The following WTIP variants were observed in gnomAD, a reference collection of about 807,000 sequenced individuals.
The protein encoded by WTIP is Wilms tumor protein 1-interacting protein.
WTIP carries 23 observed loss-of-function variants against 41.7 expected under a neutral mutation model. The observed-to-expected ratio is 0.55, with a 90% CI of 0.40 to 0.78. The LOEUF is 0.78. Ranked by LOEUF, WTIP falls within the 30% of genes least tolerant of loss-of-function variation. The pLI is 0.00. For synonymous variants in WTIP, 314 were observed against 269.9 expected (o/e 1.16, Z -1.60); for missense variants, 619 against 610.5 (o/e 1.01, Z -0.15).
Position 34,495,595 on chromosome 19 carries a change from C to T in WTIP, c.1084-108C>T, listed in dbSNP as rs1042917468. 143 of 1,254,638 alleles carry T rather than the reference C, an allele frequency of 1.1e-4. 1 individual carries two copies. The highest frequency in any genetic ancestry group is 1.3e-4 in the Non-Finnish European group (114 of 885,076). 77.7% of individuals were successfully genotyped at this position (1,254,638 alleles called of 1,614,324 possible). Reference sequence around the variant, plus strand: ...GCGTGGCAGTGCTCCCCGGGGCGGGCGTGCACCTCCGCCGGGACAGGAGCG... The same window carrying T: ...GCGTGGCAGTGCTCCCCGGGGCGGGTGTGCACCTCCGCCGGGACAGGAGCG... On this transcript the variant is annotated intron_variant, in intron 6 of 7. Transcript: ENST00000590071.
intron 1 of WTIP, among the ~76,000 whole-genome samples, chr19:34,486,655 C>CAA: frequency 6.6e-6 from 1 of 151,968 alleles, no homozygotes; most frequent in Non-Finnish European, 1.5e-5. Context: ...CGTGAGCCAC[C>CAA]GCGCCTGGCC....
Position 34,481,778 on chromosome 19 carries a change from C to T in WTIP, c.-197C>T. Reference sequence around the variant, plus strand: ...GCTTACATTCCTCCGCCGCGCGCGCCGCCGAGCAGGGCGCCGCGTCCCCCG... The same window carrying T: ...GCTTACATTCCTCCGCCGCGCGCGCTGCCGAGCAGGGCGCCGCGTCCCCCG... On this transcript the variant is annotated 5_prime_UTR_variant, in exon 1 of 8. Transcript: ENST00000590071. 5.8e-6 allele frequency: 1 copy of T among 172,570 alleles called. No homozygotes were observed. Among genetic ancestry groups the T allele is most frequent in the Non-Finnish European group, 1.2e-5 (1 of 85,084 alleles). 10.7% of individuals were successfully genotyped at this position (172,570 alleles called of 1,614,324 possible). A position where few individuals can be genotyped will look rare whatever the true frequency, so the allele number is the denominator to read the frequency against.
chr19:34,495,440 C>G (rs2910414), intron 6 of WTIP, among the ~76,000 whole-genome samples: 6,101 of 152,132 alleles, frequency 0.04, 403 homozygotes, highest in African/African-American at 0.14. Flanking sequence ...ATGTCCACAT[C>G]CATTGACAAA....
At position 34,493,750 on chromosome 19, in the gene WTIP, C is replaced by T. The variant is rs1719458471; in HGVS notation, c.1031+128C>T. On this transcript the variant is annotated intron_variant, in intron 5 of 7. Transcript: ENST00000590071. This position sits in a 1 kb window ranked among gnomAD's most constrained non-coding sequence, Gnocchi z 4.1. Reference sequence around the variant, plus strand: ...CTTTTGCCTTCCGCCTCCCCTTGTACACCTGGGCTTGGGGCAGGCATGTGT... The same window carrying T: ...CTTTTGCCTTCCGCCTCCCCTTGTATACCTGGGCTTGGGGCAGGCATGTGT... 1.5e-6 allele frequency: 2 copies of T among 1,330,120 alleles called. No individual in the cohort carries two copies. The highest frequency in any genetic ancestry group is 2.1e-6 in the Non-Finnish European group (2 of 957,400). 82.4% of individuals were successfully genotyped at this position (1,330,120 alleles called of 1,614,324 possible).
At position 34,511,447 on chromosome 19, in the gene WTIP, A is replaced by T. The variant is rs1568407280; in HGVS notation, c.*11178A>T. 6.6e-6 allele frequency: 1 copy of T among 152,100 alleles called. No homozygotes were observed. Among genetic ancestry groups the T allele is most frequent in the South Asian group, 2.1e-4 (1 of 4,826 alleles). The allele number at this position is 152,100 out of a possible 1,614,324, so 9.4% of individuals were successfully genotyped here. A position where few individuals can be genotyped will look rare whatever the true frequency, so the allele number is the denominator to read the frequency against. On this transcript the variant is annotated 3_prime_UTR_variant, in exon 8 of 8. Transcript: ENST00000590071. ...GATTTCGGTGGGGACACAGAGCCAA[A>T]CCGTATCAGACCCCGTCTCTACAAA...
chr19:34,495,519 A>G (rs953897709), intron 6 of WTIP, among the ~76,000 whole-genome samples, 184 bp from the exon 7 acceptor site: 4 of 152,156 alleles, frequency 2.6e-5, no homozygotes, highest in African/African-American at 4.8e-5. Flanking sequence ...TAAGGCCCGC[A>G]TGTGTCTGTG....
rs757484618 is a variant in WTIP at position 34,500,321 on chromosome 19, G to T, written c.*52G>T. 2 of 1,502,386 alleles carry T rather than the reference G, an allele frequency of 1.3e-6. No individual in the cohort carries two copies. Among genetic ancestry groups the T allele is most frequent in the Admixed American group, 2.0e-5 (1 of 49,156 alleles). 93.1% of individuals were successfully genotyped at this position (1,502,386 alleles called of 1,614,324 possible). On this transcript the variant is annotated 3_prime_UTR_variant, in exon 8 of 8. Coordinates refer to ENST00000590071, the MANE Select transcript of WTIP (RefSeq NM_001080436.2). ...GGGTGGGTGTGGGTGTGGAGGGAGG[G>T]CCCGCGTGGGTGGCCCTGGTCAGCG...
At chr19:34,498,103 G>T (rs1331325017) in intron 7 of WTIP, among the ~76,000 whole-genome samples, 1 of 152,190 alleles carries the variant, frequency 6.6e-6, no homozygotes, top group Non-Finnish European at 1.5e-5. Context: ...AGGGAAAGGA[G>T]TGATGTGGTG....
chr19:34,497,854 C>T (rs1048643357), intron 7 of WTIP, among the ~76,000 whole-genome samples: 4 of 152,224 alleles, frequency 2.6e-5, no homozygotes, highest in African/African-American at 4.8e-5. Flanking sequence ...CGCGTCCCTC[C>T]ACTTGCTGGG....
intron 7 of WTIP, among the ~76,000 whole-genome samples, chr19:34,499,685 C>T (rs927481166): frequency 1.3e-5 from 2 of 151,892 alleles, no homozygotes; most frequent in African/African-American, 2.4e-5. Flanking sequence ...CATACCCCCT[C>T]TGGCAGAGGA....
rs902223165 is a variant in WTIP, at chr19:34,500,164, C to T, written c.1188C>T (p.Arg396=). Residue 396 remains arginine (R), a synonymous_variant, in exon 8 of 8, where the codon CGC becomes CGT. Coordinates refer to ENST00000590071, the MANE Select transcript of WTIP (RefSeq NM_001080436.2). Reference sequence around the variant, plus strand: ...TGCAGCTGAGCGGGGAGGAGGGACGCCGTTGCTATCCCCTGGCGGGCCACC... The same window carrying T: ...TGCAGCTGAGCGGGGAGGAGGGACGTCGTTGCTATCCCCTGGCGGGCCACC... ...CGLQLSGEEG[R]RCYPLAGHLL... 1 of 1,601,664 alleles carries T rather than the reference C, an allele frequency of 6.2e-7. No individual in the cohort carries two copies. Among genetic ancestry groups the T allele is most frequent in the Non-Finnish European group, 8.5e-7 (1 of 1,179,766 alleles).
chr19:34,495,611 G>C (rs899162930), intron 6 of WTIP, 92 bp from the exon 7 acceptor site: 2 of 1,469,262 alleles, frequency 1.4e-6, no homozygotes, highest in Non-Finnish European at 1.9e-6. Flanking sequence ...CCTCCGCCGG[G>C]ACAGGAGCGT....
At chr19:34,484,935 T>TAAAA (rs34263232) in intron 1 of WTIP, among the ~76,000 whole-genome samples, 4 of 115,522 alleles carry the variant, frequency 3.5e-5, no homozygotes, top group South Asian at 3.0e-4. Context: ...GTCTTTTCTT[T>TAAAA]AAAAAAAAAA....
At position 34,510,987 on chromosome 19, in the gene WTIP, C is replaced by T. The variant is rs1280681190; in HGVS notation, c.*10718C>T. 4.6e-5 allele frequency: 7 copies of T among 152,244 alleles called. No individual in the cohort carries two copies. Among genetic ancestry groups the T allele is most frequent in the Non-Finnish European group, 1.0e-4 (7 of 68,078 alleles). 9.4% of individuals were successfully genotyped at this position (152,244 alleles called of 1,614,324 possible). On this transcript the variant is annotated 3_prime_UTR_variant, in exon 8 of 8. Coordinates refer to ENST00000590071, the MANE Select transcript of WTIP (RefSeq NM_001080436.2). ...TTCTAGGAGGTTCCAAACTTTCCCA[C>T]ATTTTCCTATATTCTTCTGAGCCCT...
chr19:34,499,515 A>G (rs2075872935), intron 7 of WTIP, among the ~76,000 whole-genome samples: 1 of 152,116 alleles, frequency 6.6e-6, no homozygotes, highest in African/African-American at 2.4e-5. Context: ...CTCAAACAAC[A>G]ACAAACGAAT....
chr19:34,502,019 A>G lies in WTIP; in HGVS notation c.*1750A>G, dbSNP rs1390351504. 1 of 152,172 alleles carries G rather than the reference A, an allele frequency of 6.6e-6. No individual in the cohort carries two copies. The highest frequency in any genetic ancestry group is 1.5e-5 in the Non-Finnish European group (1 of 68,290). The allele number at this position is 152,172 out of a possible 1,614,324, so 9.4% of individuals were successfully genotyped here. A position where few individuals can be genotyped will look rare whatever the true frequency, so the allele number is the denominator to read the frequency against. On this transcript the variant is annotated 3_prime_UTR_variant, in exon 8 of 8. Transcript: ENST00000590071. ...ACCCAGGCTGGAGTGCAGTGGCACAATCTTGGCTCACTGCAGCCTCCGCCT... is the reference window on the plus strand; with the variant it reads ...ACCCAGGCTGGAGTGCAGTGGCACAGTCTTGGCTCACTGCAGCCTCCGCCT...
chr19:34,500,047 C>T, intron 7 of WTIP, 82 bp from the exon 8 acceptor site: 2 of 1,540,336 alleles, frequency 1.3e-6, no homozygotes, highest in Non-Finnish European at 1.7e-6. Context: ...TCTGCCCCTC[C>T]CCTCCGTCCC....
rs1446814622 is a variant in WTIP, at chr19:34,482,220, C to T, written c.246C>T (p.Ser82=). 1.6e-5 allele frequency: 19 copies of T among 1,155,718 alleles called. No individual in the cohort carries two copies. The highest frequency in any genetic ancestry group is 4.9e-5 in the Admixed American group (1 of 20,610). 71.6% of individuals were successfully genotyped at this position (1,155,718 alleles called of 1,614,324 possible). A position where few individuals can be genotyped will look rare whatever the true frequency, so the allele number is the denominator to read the frequency against. The change falls in exon 1 of 8, where the codon AGC becomes AGT. Residue 82 remains serine (S), a synonymous_variant. Transcript: ENST00000590071. ...GPRRAAVPEL[S]AQPAGSPRAS... ...GGCGCGCGGCGGTTCCGGAGCTCAGCGCGCAGCCTGCGGGCAGCCCACGGG... is the reference window on the plus strand; with the variant it reads ...GGCGCGCGGCGGTTCCGGAGCTCAGTGCGCAGCCTGCGGGCAGCCCACGGG...
chr19:34,505,119 C>T lies in WTIP; in HGVS notation c.*4850C>T, dbSNP rs1015641177. On this transcript the variant is annotated 3_prime_UTR_variant, in exon 8 of 8. Transcript: ENST00000590071. ...GGGAGAGGGGCATGTGCACACATTT[C>T]ATGGGGATGATGGGGGACTCTGGGA... The T allele has an allele frequency of 6.6e-6, 1 of 152,410 alleles. No homozygotes were observed. The highest frequency in any genetic ancestry group is 1.5e-5 in the Non-Finnish European group (1 of 68,266). The allele number at this position is 152,410 out of a possible 1,614,324, so 9.4% of individuals were successfully genotyped here.
Sources: gnomAD v4.1 joint callset for allele counts (sites outside exome capture counted in the v4.1 genomes callset) on GRCh38, gnomAD v4.1.1 for gene constraint, Gnocchi (gnomAD v3.1) non-coding constraint, MANE v1.5 for transcripts, NCBI Gene and HGNC (gene_info 2026-07-23, HGNC 2026-07-21) for gene names.